Variants in MEGF11 observed in about 807,000 individuals in gnomAD.
The protein encoded by MEGF11 is multiple epidermal growth factor-like domains protein 11.
In MEGF11, 126 loss-of-function variants were observed where a neutral mutation model predicts 146.6. The observed-to-expected ratio is 0.86, with a 90% confidence interval of 0.74 to 1.00. MEGF11 has a LOEUF of 1.00. Ranked by LOEUF, MEGF11 falls within the 50% of genes least tolerant of loss-of-function variation. The pLI, the probability that MEGF11 is intolerant of heterozygous loss-of-function variation, is 0.00. For missense variants in MEGF11, 1,509 were observed against 1,521.2 expected (o/e 0.99, Z 0.13); for synonymous variants, 532 against 583.4 (o/e 0.91, Z 1.27).
At chr15:66,167,227 C>T (rs970936612) in intron 1 of MEGF11, among the ~76,000 whole-genome samples, 2 of 152,186 alleles carry the variant, frequency 1.3e-5, no homozygotes, top group South Asian at 4.1e-4. Context: ...CAGGGCCAGC[C>T]GGGGCAGAAG....
chr15:65,912,064 GA>G lies in MEGF11; in HGVS notation c.2829+17del. ...GAGAGGGCAGTGAGTGGGGGCTGGG[GA>G]ATCAGGGGCCCGGTACCTTGGTGGG... On this transcript the variant is annotated intron_variant, in intron 21 of 25. Coordinates refer to ENST00000395614, the MANE Select transcript of MEGF11 (RefSeq NM_001385028.1). 8.2e-7 allele frequency: 1 copy of G among 1,216,502 alleles called. No homozygotes were observed. The highest frequency in any genetic ancestry group is 1.0e-6 in the Non-Finnish European group (1 of 973,660). The allele number at this position is 1,216,502 out of a possible 1,614,324, so 75.4% of individuals were successfully genotyped here.
intron 1 of MEGF11, among the ~76,000 whole-genome samples, chr15:66,136,493 C>G (rs1365192500): frequency 1.3e-5 from 2 of 152,224 alleles, no homozygotes; most frequent in East Asian, 3.8e-4. Flanking sequence ...CAAGGGTAGC[C>G]TCTCCAGGTT....
At position 66,226,846 on chromosome 15, in the gene MEGF11, C is replaced by T. The variant is rs78407711; in HGVS notation, c.-9+26759G>A. Among the ~76,000 whole-genome samples, 272 of 152,130 alleles carry T rather than the reference C, an allele frequency of 1.8e-3. 5 individuals are homozygous for T. In the East Asian group the frequency reaches 0.042, roughly 23 times the overall value. ...ACGTGTGTTCACACACATCCTCTAG[C>T]GCATGCACACTCACACACATACCCA... On this transcript the variant is annotated intron_variant, in intron 1 of 25. Coordinates refer to ENST00000395614, the MANE Select transcript of MEGF11 (RefSeq NM_001385028.1).
intron 4 of MEGF11, among the ~76,000 whole-genome samples, chr15:66,095,502 T>C (rs1273298829): frequency 1.3e-5 from 2 of 152,238 alleles, no homozygotes; most frequent in Non-Finnish European, 2.9e-5. Flanking sequence ...TGGCCTGGGC[T>C]AGGGGAGCAG....
At chr15:66,200,823 T>G (rs2091139184) in intron 1 of MEGF11, among the ~76,000 whole-genome samples, 1 of 152,056 alleles carries the variant, frequency 6.6e-6, no homozygotes, top group Non-Finnish European at 1.5e-5. Context: ...TAGGGGTTGG[T>G]GAATCGCCTC....
chr15:66,075,561 T>TCTG (rs1313153835), intron 5 of MEGF11, among the ~76,000 whole-genome samples: 53 of 152,328 alleles, frequency 3.5e-4, no homozygotes, highest in African/African-American at 1.2e-3. Flanking sequence ...TCCTGTGAGC[T>TCTG]TACAGCAGCA....
chr15:65,995,895 T>C (rs1379350608), intron 5 of MEGF11, among the ~76,000 whole-genome samples: 1 of 152,220 alleles, frequency 6.6e-6, no homozygotes, highest in Non-Finnish European at 1.5e-5. Flanking sequence ...TGTGAAGCAC[T>C]GTCTGAGTGC....
chr15:66,033,155 G>C (rs527631967), intron 5 of MEGF11, among the ~76,000 whole-genome samples: 6 of 151,404 alleles, frequency 4.0e-5, no homozygotes, highest in African/African-American at 1.5e-4. Flanking sequence ...CATGCAAAGA[G>C]GGAAAAGGTA....
At position 65,918,020 on chromosome 15, in the gene MEGF11, T is replaced by C; in HGVS notation, c.2032A>G (p.Ile678Val). 6.2e-7 allele frequency: 1 copy of C among 1,614,002 alleles called. No individual in the cohort carries two copies. The highest frequency in any genetic ancestry group is 1.1e-5 in the South Asian group (1 of 91,082). Residue 678 changes from isoleucine to valine, a missense_variant, in exon 16 of 26, where the codon ATC (isoleucine) becomes GTC (valine). Coordinates refer to ENST00000395614, the MANE Select transcript of MEGF11 (RefSeq NM_001385028.1). Reference protein sequence around the residue: ...SCANNGTCSPIDGSCQCFPGW... With the variant: ...SCANNGTCSPVDGSCQCFPGW... ...GGAAAGCACTGGCAGGAGCCATCGATAGGGCTGCAGGTCCCGTTGTTGGCA... is the reference window on the plus strand; with the variant it reads ...GGAAAGCACTGGCAGGAGCCATCGACAGGGCTGCAGGTCCCGTTGTTGGCA...
intron 5 of MEGF11, among the ~76,000 whole-genome samples, chr15:66,067,393 T>C (rs1390397757): frequency 1.3e-5 from 2 of 152,232 alleles, no homozygotes; most frequent in Non-Finnish European, 1.5e-5. Context: ...AGGACAGCCC[T>C]GAAAAATCAA....
intron 23 of MEGF11, chr15:65,906,538 A>T (rs144127957): frequency 2.2e-3 from 360 of 166,150 alleles, no homozygotes; most frequent in Admixed American, 6.2e-3. Flanking sequence ...AAGCAGAACC[A>T]GTTCTTGGCT....
intron 5 of MEGF11, among the ~76,000 whole-genome samples, chr15:66,053,713 CA>C (rs146847489): frequency 0.7 from 50,930 of 72,514 alleles, 21,823 homozygotes; most frequent in South Asian, 0.81. Context: ...CCCCTGGCAC[CA>C]ATTTTTTTTT....
intron 1 of MEGF11, among the ~76,000 whole-genome samples, chr15:66,151,852 G>A (rs1271915462): frequency 6.6e-6 from 1 of 152,214 alleles, no homozygotes; most frequent in Non-Finnish European, 1.5e-5. Context: ...AAGGGGAGCA[G>A]GGCTGGCTCC....
At chr15:65,992,179 C>T (rs1282927799) in intron 5 of MEGF11, among the ~76,000 whole-genome samples, 9 of 152,198 alleles carry the variant, frequency 5.9e-5, no homozygotes, top group African/African-American at 9.7e-5. Context: ...TCTCTATTGC[C>T]GTAGCTTCCA....
intron 1 of MEGF11, among the ~76,000 whole-genome samples, chr15:66,225,775 GGCATATGTTTACAA>G (rs1391641861): frequency 3.9e-5 from 6 of 151,994 alleles, no homozygotes; most frequent in Admixed American, 2.0e-4. Context: ...CTCACATGAA[GGCATATGTTTACAA>G]GCACACACTC....
chr15:66,162,613 C>A lies in MEGF11; in HGVS notation c.-8-34202G>T, dbSNP rs1481614125. Among the ~76,000 whole-genome samples the A allele has an allele frequency of 7.3e-5, 11 of 151,580 alleles. No homozygotes were observed. The South Asian group carries it at 1.9e-3, about 26-fold the overall frequency. ...GATAGAAAAACAAAACAAAACAAAA[C>A]AAAAAAAACAATAGTTACCTCTGGG... On this transcript the variant is annotated intron_variant, in intron 1 of 25. Coordinates refer to ENST00000395614, the MANE Select transcript of MEGF11 (RefSeq NM_001385028.1).
At chr15:65,939,832 G>C (rs1387506061) in intron 10 of MEGF11, among the ~76,000 whole-genome samples, 2 of 152,104 alleles carry the variant, frequency 1.3e-5, no homozygotes, top group African/African-American at 4.8e-5. Context: ...TCCAGGGCAA[G>C]TTTCCCTGTT....
chr15:65,945,043 C>T (rs918477658), intron 10 of MEGF11, among the ~76,000 whole-genome samples: 7 of 152,068 alleles, frequency 4.6e-5, no homozygotes, highest in African/African-American at 1.2e-4. Context: ...GGATTACAGG[C>T]GCACACCATG....
intron 24 of MEGF11, 49 bp downstream of exon 24, chr15:65,906,036 T>G: frequency 6.7e-7 from 1 of 1,489,448 alleles, no homozygotes; most frequent in Non-Finnish European, 9.3e-7. Flanking sequence ...TCTGCACTCT[T>G]TATCTTGCTA....
Sources: allele counts gnomAD v4.1 joint callset (sites outside exome capture counted in the v4.1 genomes callset), GRCh38; gene constraint gnomAD v4.1.1; transcripts MANE v1.5; gene names NCBI Gene and HGNC (gene_info 2026-07-23, HGNC 2026-07-21).